Variants in ARHGEF10 observed in about 807,000 individuals in gnomAD.
The protein encoded by ARHGEF10 is Rho guanine nucleotide exchange factor (GEF) 10.
A neutral mutation model predicts 147.4 loss-of-function variants in ARHGEF10; 140 were observed. The observed-to-expected ratio is 0.95, with a 90% CI of 0.83 to 1.09. The LOEUF (loss-of-function observed/expected upper bound fraction) is 1.09. ARHGEF10 is among the 50% of genes least tolerant of loss of function. ARHGEF10 has a pLI of 0.00. For missense variants in ARHGEF10, 2,222 were observed against 1,752.7 expected (o/e 1.27, Z -4.78); for synonymous variants, 902 against 695.8 (o/e 1.30, Z -4.67).
chr8:1,837,248 C>T (rs1207157942), intron 1 of ARHGEF10, among the ~76,000 whole-genome samples: 5 of 151,854 alleles, frequency 3.3e-5, no homozygotes, highest in South Asian at 2.1e-4. Flanking sequence ...GTGCGCTGTG[C>T]GGAGCCGCAG....
At chr8:1,925,493 G>T in intron 22 of ARHGEF10, 89 bp downstream of exon 22, 1 of 1,558,716 alleles carries the variant, frequency 6.4e-7, no homozygotes, top group Non-Finnish European at 8.7e-7. Flanking sequence ...AAGGGGCGTG[G>T]TCAGAACATG....
Position 1,898,432 on chromosome 8 carries a change from G to A in ARHGEF10, c.1558-1G>A. 6.2e-7 allele frequency: 1 copy of A among 1,614,006 alleles called. No individual in the cohort carries two copies. The highest frequency in any genetic ancestry group is 8.5e-7 in the Non-Finnish European group (1 of 1,179,996). ...GGTGACCCCGGTGCCTTCCCCCACA[G>A]CAGGAACAGGAGGCCAGCCCCGATC... On this transcript the variant is annotated splice_acceptor_variant, in intron 14 of 28. Transcript: ENST00000349830. LOFTEE classifies it high-confidence loss of function.
At chr8:1,903,005 C>G (rs902143374) in intron 15 of ARHGEF10, among the ~76,000 whole-genome samples, 3 of 152,158 alleles carry the variant, frequency 2.0e-5, no homozygotes, top group African/African-American at 4.8e-5. Context: ...TCCAAGTGCA[C>G]AGTATTTCTG....
intron 26 of ARHGEF10, among the ~76,000 whole-genome samples, chr8:1,943,227 T>C (rs1278992118): frequency 6.6e-6 from 1 of 152,216 alleles, no homozygotes; most frequent in Admixed American, 6.5e-5. Flanking sequence ...CTTTTCTTTT[T>C]CCCTATTTTT....
At chr8:1,907,650 A>G (rs563316681) in intron 17 of ARHGEF10, among the ~76,000 whole-genome samples, 1 of 152,310 alleles carries the variant, frequency 6.6e-6, no homozygotes, top group South Asian at 2.1e-4. Flanking sequence ...ATGAATTAAA[A>G]TGGATACTTT....
At chr8:1,876,871 G>C in intron 8 of ARHGEF10, 137 bp downstream of exon 8, 1 of 970,052 alleles carries the variant, frequency 1.0e-6, no homozygotes, top group South Asian at 1.3e-5. Flanking sequence ...GAAAGCATAA[G>C]ATATTGGCAA....
Position 1,855,727 on chromosome 8 carries a change from A to C in ARHGEF10, c.38-2233A>C, listed in dbSNP as rs74629135. ...TTTCACTGATCATTTTCGTCACGGC[A>C]TTTAGTCGGCATTGTTTCCGCAGCA... On this transcript the variant is annotated intron_variant, in intron 2 of 28. Coordinates refer to ENST00000349830, the MANE Select transcript of ARHGEF10 (RefSeq NM_014629.4). Among the ~76,000 whole-genome samples, 8 of 152,186 alleles carry C rather than the reference A, an allele frequency of 5.3e-5. No individual in the cohort carries two copies. In the East Asian group the frequency reaches 1.5e-3, roughly 29 times the overall value.
In ARHGEF10 at chr8:1,923,527, G is replaced by A. The variant is rs758482500; in HGVS notation, c.2319G>A (p.Lys773=). 9.3e-6 allele frequency: 15 copies of A among 1,613,994 alleles called. No individual in the cohort carries two copies. Among genetic ancestry groups the A allele is most frequent in the Non-Finnish European group, 1.3e-5 (15 of 1,180,050 alleles). The stretch of plus-strand genomic sequence containing the variant: ...CAGGTTTACAAAGGCTTATTTTGAA[G>A]AAAGAAGATGAAATCAGAGCTGCGG... ...WTSGLQRLIL[K]KEDEIRAADC... Residue 773 remains lysine, a synonymous_variant, in exon 20 of 29, where the codon AAG becomes AAA. Coordinates refer to ENST00000349830, the MANE Select transcript of ARHGEF10 (RefSeq NM_014629.4).
chr8:1,829,744 T>C (rs1283557597), intron 1 of ARHGEF10, among the ~76,000 whole-genome samples: 6 of 152,124 alleles, frequency 3.9e-5, no homozygotes, highest in Admixed American at 3.9e-4. Flanking sequence ...ACGAGCGTCA[T>C]AGGTGCCCAG....
chr8:1,841,146 A>G (rs1283270599), intron 1 of ARHGEF10, among the ~76,000 whole-genome samples: 1 of 152,262 alleles, frequency 6.6e-6, no homozygotes, highest in Non-Finnish European at 1.5e-5. Context: ...CCTCTGCTGT[A>G]GCCTTGGGTG....
At chr8:1,842,314 G>C (rs1804157614) in intron 1 of ARHGEF10, among the ~76,000 whole-genome samples, 4 of 152,178 alleles carry the variant, frequency 2.6e-5, no homozygotes, top group African/African-American at 9.7e-5. Flanking sequence ...CTGCTTCTGA[G>C]AGTGCCAGAG....
chr8:1,859,880 C>A lies in ARHGEF10; in HGVS notation c.194-17C>A. The stretch of plus-strand genomic sequence containing the variant: ...CTTGGTGATGTGTCTGCTGACAAGT[C>A]CTTTCTGCATCCCCAGGAGGTGAGG... On this transcript the variant is annotated splice_polypyrimidine_tract_variant and intron_variant, in intron 3 of 28. Coordinates refer to ENST00000349830, the MANE Select transcript of ARHGEF10 (RefSeq NM_014629.4). 1 of 1,613,850 alleles carries A rather than the reference C, an allele frequency of 6.2e-7. No individual in the cohort carries two copies. Among genetic ancestry groups the A allele is most frequent in the South Asian group, 1.1e-5 (1 of 91,074 alleles).
In ARHGEF10 at chr8:1,958,326, G is replaced by A. The variant is rs1444713336; in HGVS notation, c.*1063G>A. 6.6e-6 allele frequency: 1 copy of A among 152,222 alleles called. No homozygotes were observed. The highest frequency in any genetic ancestry group is 2.4e-5 in the African/African-American group (1 of 41,438). 9.4% of individuals were successfully genotyped at this position (152,222 alleles called of 1,614,324 possible). On this transcript the variant is annotated 3_prime_UTR_variant, in exon 29 of 29. Coordinates refer to ENST00000349830, the MANE Select transcript of ARHGEF10 (RefSeq NM_014629.4). ...TTTCTATTCTGCAGTTGCAGAGCCA[G>A]CCCCGCGTGAGAACGTGCATAATGA...
At chr8:1,945,915 G>GCGTGCTGGGAGGAGCCA (rs140594597) in intron 27 of ARHGEF10, 6,976 of 614,518 alleles carry the variant, frequency 0.011, 103 homozygotes, top group Non-Finnish European at 0.012. Context: ...GGGAGGAGCC[G>GCGTGCTGGGAGGAGCCA]CGTGGCAGTG....
chr8:1,926,951 C>G, intron 23 of ARHGEF10: 1 of 247,998 alleles, frequency 4.0e-6, no homozygotes, highest in South Asian at 4.6e-5. Context: ...CCAGGCTCTC[C>G]CCTCTCTGGT....
At chr8:1,828,712 C>T (rs1369212805) in intron 1 of ARHGEF10, among the ~76,000 whole-genome samples, 2 of 149,484 alleles carry the variant, frequency 1.3e-5, no homozygotes, top group East Asian at 2.0e-4. Context: ...TTTGATAAAC[C>T]GTGGCGTGCA....
At chr8:1,847,893 C>G (rs1200611931) in intron 2 of ARHGEF10, among the ~76,000 whole-genome samples, 1 of 152,204 alleles carries the variant, frequency 6.6e-6, no homozygotes, top group Non-Finnish European at 1.5e-5. Context: ...TATCTCTGAT[C>G]TTAAAAAATG....
intron 22 of ARHGEF10, 74 bp downstream of exon 22, chr8:1,925,478 T>G: frequency 1.3e-6 from 2 of 1,593,806 alleles, no homozygotes; most frequent in Non-Finnish European, 1.7e-6. Context: ...TGGGAGATGA[T>G]TCTTAAGGGG....
chr8:1,855,731 A>G (rs1464794538), intron 2 of ARHGEF10, among the ~76,000 whole-genome samples: 1 of 152,130 alleles, frequency 6.6e-6, no homozygotes, highest in African/African-American at 2.4e-5. Context: ...CACGGCATTT[A>G]GTCGGCATTG....
Sources: gnomAD v4.1 joint callset for allele counts (sites outside exome capture counted in the v4.1 genomes callset) on GRCh38, gnomAD v4.1.1 for gene constraint, MANE v1.5 for transcripts, NCBI Gene and HGNC (gene_info 2026-07-23, HGNC 2026-07-21) for gene names.